The following KDM4C variants were observed in gnomAD, a reference collection of about 807,000 sequenced individuals.
KDM4C encodes lysine-specific demethylase 4C.
In KDM4C, 81 loss-of-function variants were observed where a neutral mutation model predicts 129.3. The ratio of observed to expected loss-of-function variants is 0.63; its 90% CI spans 0.52 to 0.75. The LOEUF is 0.75. KDM4C is among the 30% of genes least tolerant of loss of function. The pLI is 0.00. For synonymous variants in KDM4C, 573 were observed against 456.1 expected (o/e 1.26, Z -3.26); for missense variants, 1,457 against 1,304.0 (o/e 1.12, Z -1.81).
chr9:6,915,784 T>C (rs926130806), intron 8 of KDM4C, among the ~76,000 whole-genome samples: 6 of 152,140 alleles, frequency 3.9e-5, no homozygotes, highest in Non-Finnish European at 7.3e-5. Context: ...AGTTTTACAC[T>C]TCCAGCTTCC....
chr9:7,128,019 C>T, intron 18 of KDM4C, 47 bp from the exon 19 acceptor site: 4 of 1,314,988 alleles, frequency 3.0e-6, no homozygotes, highest in South Asian at 2.4e-5. Context: ...CCTTTCTTTT[C>T]CTGTTCTCTT....
intron 6 of KDM4C, among the ~76,000 whole-genome samples, chr9:6,881,688 G>C (rs1167709860): frequency 6.6e-6 from 1 of 152,198 alleles, no homozygotes; most frequent in African/African-American, 2.4e-5. Context: ...TAATCAGTAA[G>C]AGGTTAATGA....
At chr9:6,825,044 G>A (rs7039382) in intron 4 of KDM4C, among the ~76,000 whole-genome samples, 3,109 of 151,570 alleles carry the variant, frequency 0.021, 91 homozygotes, top group African/African-American at 0.062. Context: ...TACCCGAGAG[G>A]CAGAGTCAAG....
intron 8 of KDM4C, among the ~76,000 whole-genome samples, chr9:6,949,100 C>T (rs1411222913): frequency 6.7e-6 from 1 of 149,850 alleles, no homozygotes; most frequent in Non-Finnish European, 1.5e-5. Flanking sequence ...GGGCGGCTGG[C>T]CGGGTGGAGA....
At chr9:6,964,791 A>AAAC (rs1830634402) in intron 8 of KDM4C, among the ~76,000 whole-genome samples, 1 of 150,688 alleles carries the variant, frequency 6.6e-6, no homozygotes, top group South Asian at 2.1e-4. Context: ...CAAAAAAAAA[A>AAAC]AAAAAAAAAA....
chr9:7,157,834 T>C (rs1843351207), intron 19 of KDM4C, among the ~76,000 whole-genome samples: 1 of 152,206 alleles, frequency 6.6e-6, no homozygotes, highest in South Asian at 2.1e-4. Context: ...GTTGTGTCTC[T>C]GCCAGGCTTT....
At chr9:6,921,078 A>G (rs1042337854) in intron 8 of KDM4C, among the ~76,000 whole-genome samples, 9 of 151,066 alleles carry the variant, frequency 6.0e-5, no homozygotes, top group Admixed American at 2.0e-4. Flanking sequence ...TCTGCCTTAC[A>G]TGGTCTTCCC....
chr9:6,935,884 T>G (rs911671378), intron 8 of KDM4C, among the ~76,000 whole-genome samples: 16 of 152,170 alleles, frequency 1.1e-4, no homozygotes, highest in African/African-American at 3.9e-4. Flanking sequence ...ATTCCAGATT[T>G]AGGGCTTGAA....
In KDM4C at chr9:6,872,681, A is replaced by T. The variant is rs914402476; in HGVS notation, c.630-7331A>T. Among the ~76,000 whole-genome samples, 8 of 152,148 alleles carry T rather than the reference A, an allele frequency of 5.3e-5. No individual in the cohort carries two copies. The East Asian group carries it at 5.8e-4, about 11-fold the overall frequency. On this transcript the variant is annotated intron_variant, in intron 5 of 21. Transcript: ENST00000381309. ...AAAGTCTGTTTTACCAGAGACTAGGATGGCAATCCCTGGCTTTTCTTTTGC... is the reference window on the plus strand; with the variant it reads ...AAAGTCTGTTTTACCAGAGACTAGGTTGGCAATCCCTGGCTTTTCTTTTGC...
chr9:6,987,259 C>G (rs1401278703), intron 11 of KDM4C, among the ~76,000 whole-genome samples: 1 of 152,164 alleles, frequency 6.6e-6, no homozygotes, highest in East Asian at 1.9e-4. Context: ...CCAGGGTGAC[C>G]TTTCTTGTCC....
rs116329532 is a variant in KDM4C, at chr9:7,096,366, A to G, written c.2425-7319A>G. ...GCACAGGTAGTTAAGTGCAGAGGGG[A>G]AGCACTATTTTCTGCTAAGAGGGGT... On this transcript the variant is annotated intron_variant, in intron 17 of 21. Coordinates refer to ENST00000381309, the MANE Select transcript of KDM4C (RefSeq NM_015061.6). Among the ~76,000 whole-genome samples the G allele has an allele frequency of 5.3e-3, 812 of 152,296 alleles. 8 individuals carry two copies. Among genetic ancestry groups the G allele is most frequent in the African/African-American group, 0.019 (785 of 41,568 alleles).
chr9:6,951,977 T>C (rs1828234745), intron 8 of KDM4C, among the ~76,000 whole-genome samples: 1 of 152,204 alleles, frequency 6.6e-6, no homozygotes, highest in Admixed American at 6.5e-5. Context: ...GTGTGATTTT[T>C]GAAAATTGAC....
intron 19 of KDM4C, among the ~76,000 whole-genome samples, chr9:7,148,500 C>T (rs1842424344): frequency 6.6e-6 from 1 of 151,794 alleles, no homozygotes; most frequent in Non-Finnish European, 1.5e-5. Context: ...AGCTCTGGCT[C>T]AGGGAATTCC....
intron 15 of KDM4C, among the ~76,000 whole-genome samples, chr9:7,025,154 T>C (rs1274758292): frequency 6.6e-6 from 1 of 152,240 alleles, no homozygotes; most frequent in Non-Finnish European, 1.5e-5. Flanking sequence ...TTGAAATCTA[T>C]TTTGACTGAT....
chr9:7,021,140 G>GTATATA (rs56054555), intron 15 of KDM4C, among the ~76,000 whole-genome samples: 34 of 146,952 alleles, frequency 2.3e-4, no homozygotes, highest in African/African-American at 8.6e-4. Flanking sequence ...GTGTGTGTGT[G>GTATATA]TATATATATA....
chr9:7,170,080 G>A (rs1844811783), intron 21 of KDM4C, 190 bp downstream of exon 21: 1 of 1,491,764 alleles, frequency 6.7e-7, no homozygotes, highest in Admixed American at 2.1e-5. Flanking sequence ...GGAAATTAAT[G>A]CATGTGCTTT....
intron 1 of KDM4C, among the ~76,000 whole-genome samples, chr9:6,745,086 G>A (rs904163797): frequency 2.6e-5 from 4 of 152,104 alleles, no homozygotes; most frequent in African/African-American, 4.8e-5. Context: ...GTTTGCAGCA[G>A]CAGTTTTTGA....
intron 4 of KDM4C, among the ~76,000 whole-genome samples, chr9:6,821,380 C>T (rs574692744): frequency 1.2e-4 from 19 of 152,284 alleles, no homozygotes; most frequent in Admixed American, 5.9e-4. Flanking sequence ...TCTCCAGCAT[C>T]TGTTGTTTCC....
At chr9:6,986,317 A>G (rs1232184330) in intron 10 of KDM4C, 27 bp from the exon 11 acceptor site, 6 of 1,507,250 alleles carry the variant, frequency 4.0e-6, no homozygotes, top group East Asian at 2.3e-5. Flanking sequence ...TGCATGATTT[A>G]TTAACAGTCT....
Sources: allele counts gnomAD v4.1 joint callset (sites outside exome capture counted in the v4.1 genomes callset), GRCh38; gene constraint gnomAD v4.1.1; transcripts MANE v1.5; gene names NCBI Gene and HGNC (gene_info 2026-07-23, HGNC 2026-07-21).